The following ARHGEF12 variants were observed in gnomAD, a reference collection of about 807,000 sequenced individuals.
ARHGEF12 encodes the protein KMT2A/ARHGEF12 fusion protein.
ARHGEF12 carries 66 observed loss-of-function variants against 211.2 expected under a neutral mutation model. The observed-to-expected ratio is 0.31, with a 90% CI of 0.26 to 0.38. The LOEUF is 0.38. ARHGEF12 is among the 10% of genes least tolerant of loss of function. The pLI is 1.00. For missense variants in ARHGEF12, 1,429 were observed against 1,869.5 expected, an observed-to-expected ratio of 0.76 and a Z score of 4.34; for synonymous variants, 592 against 638.4, an observed-to-expected ratio of 0.93 and a Z score of 1.09.
intron 27 of ARHGEF12, chr11:120,463,584 G>C (rs1328385084): frequency 6.6e-6 from 1 of 151,570 alleles, no homozygotes; most frequent in African/African-American, 2.4e-5. Flanking sequence ...GAGTTTGGGG[G>C]CATTATTTTC....
At chr11:120,441,911 C>CGA (rs2135785565) in intron 14 of ARHGEF12, 94 bp downstream of exon 14, 2 of 1,150,792 alleles carry the variant, frequency 1.7e-6, no homozygotes, top group South Asian at 2.7e-5. Flanking sequence ...GGGCAGACTT[C>CGA]TTTCAGTTTT....
chr11:120,484,374 G>T, intron 39 of ARHGEF12, 64 bp from the exon 40 acceptor site: 2 of 1,463,332 alleles, frequency 1.4e-6, no homozygotes, highest in Non-Finnish European at 1.9e-6. Flanking sequence ...TCTGTTTTCT[G>T]AAGTTTTTGT....
intron 13 of ARHGEF12, among the ~76,000 whole-genome samples, chr11:120,441,381 A>G (rs1243223833): frequency 6.6e-6 from 1 of 152,294 alleles, no homozygotes; most frequent in Non-Finnish European, 1.5e-5. Context: ...ATGATTGGGC[A>G]AAAAGCCTTC....
chr11:120,378,772 A>T (rs946711135), intron 1 of ARHGEF12, among the ~76,000 whole-genome samples: 1 of 151,820 alleles, frequency 6.6e-6, no homozygotes, highest in Non-Finnish European at 1.5e-5. Flanking sequence ...TTAAAAACTT[A>T]ATAGACTGTC....
At chr11:120,440,040 A>G in intron 12 of ARHGEF12, 89 bp from the exon 13 acceptor site, 3 of 888,756 alleles carry the variant, frequency 3.4e-6, no homozygotes, top group Non-Finnish European at 5.4e-6. Flanking sequence ...ATTTAAGTGA[A>G]CCATGTCTTT....
chr11:120,453,017 A>C (rs573371543), intron 22 of ARHGEF12, among the ~76,000 whole-genome samples: 3,998 of 141,518 alleles, frequency 0.028, 83 homozygotes, highest in Non-Finnish European at 0.046. Context: ...AAAAACAAAA[A>C]CAAAAAAAAA....
chr11:120,409,501 T>TG, intron 4 of ARHGEF12, 51 bp downstream of exon 4: 1 of 1,565,682 alleles, frequency 6.4e-7, no homozygotes, highest in Non-Finnish European at 8.8e-7. Flanking sequence ...TGCTTCATGG[T>TG]GTTCCTTTTC....
intron 22 of ARHGEF12, among the ~76,000 whole-genome samples, chr11:120,453,391 A>T (rs1946269218): frequency 6.6e-6 from 1 of 152,124 alleles, no homozygotes; most frequent in Non-Finnish European, 1.5e-5. Context: ...GAAATAAGAG[A>T]TTTTAACAAA....
Position 120,447,001 on chromosome 11 carries a change from A to G in ARHGEF12, c.1505A>G (p.Asp502Gly). The G allele has an allele frequency of 6.2e-7, 1 of 1,614,228 alleles. No homozygotes were observed. Among genetic ancestry groups the G allele is most frequent in the Non-Finnish European group, 8.5e-7 (1 of 1,180,040 alleles). ...TLAESELTKL[D>G]AERDKDRLTL... ...GCTGAAAGCGAGCTGACTAAACTTG[A>G]TGCAGAGCGAGACAAGGACCGATTG... The change falls in exon 18 of 41, where the codon GAT becomes GGT. Residue 502 changes from aspartate to glycine, a missense_variant. Asp to Gly is a moderately conservative substitution (Grantham distance 94). Transcript: ENST00000397843.
At position 120,488,421 on chromosome 11, in the gene ARHGEF12, C is replaced by A. The variant is rs2136046419; in HGVS notation, c.*3344C>A. On this transcript the variant is annotated 3_prime_UTR_variant, in exon 41 of 41. Coordinates refer to ENST00000397843, the MANE Select transcript of ARHGEF12 (RefSeq NM_015313.3). ...AGCTTCCTCATGGCTAGTTTTTCCC[C>A]CTTATATTACAATTTTTGTTTTATA... 1 of 215,796 alleles carries A rather than the reference C, an allele frequency of 4.6e-6. No individual in the cohort carries two copies. Among genetic ancestry groups the A allele is most frequent in the South Asian group, 1.9e-4 (1 of 5,338 alleles). 13.4% of individuals were successfully genotyped at this position (215,796 alleles called of 1,614,324 possible).
chr11:120,374,346 T>C (rs886343547), intron 1 of ARHGEF12, among the ~76,000 whole-genome samples: 2 of 152,238 alleles, frequency 1.3e-5, no homozygotes, highest in African/African-American at 4.8e-5. Flanking sequence ...GGGGAAATTT[T>C]ATCCAGGGAT....
chr11:120,459,421 AT>A, intron 26 of ARHGEF12, 101 bp downstream of exon 26: 2 of 1,236,716 alleles, frequency 1.6e-6, no homozygotes, highest in South Asian at 3.0e-5. Flanking sequence ...TATTCCTGAG[AT>A]TATGTGTGAG....
intron 1 of ARHGEF12, among the ~76,000 whole-genome samples, chr11:120,360,841 G>A (rs1467127208): frequency 6.6e-6 from 1 of 152,192 alleles, no homozygotes; most frequent in Non-Finnish European, 1.5e-5. Flanking sequence ...AAAGTGGAAT[G>A]TAGCAATGCA....
At chr11:120,447,745 G>A in intron 18 of ARHGEF12, 129 bp from the exon 19 acceptor site, 1 of 593,558 alleles carries the variant, frequency 1.7e-6, no homozygotes, top group Non-Finnish European at 2.9e-6. Context: ...GCGCCCAGGA[G>A]GCGGAGGTTG....
chr11:120,468,071 A>G (rs771722166), intron 29 of ARHGEF12, among the ~76,000 whole-genome samples: 1 of 152,224 alleles, frequency 6.6e-6, no homozygotes. Flanking sequence ...GAGATGTTTC[A>G]TGGATATCTA....
At chr11:120,474,527 A>G (rs995855972) in intron 31 of ARHGEF12, 33 bp from the exon 32 acceptor site, 1 of 1,523,838 alleles carries the variant, frequency 6.6e-7, no homozygotes. Flanking sequence ...GTGCTTGGAA[A>G]TTATTTGTGC....
intron 1 of ARHGEF12, among the ~76,000 whole-genome samples, chr11:120,387,867 A>G (rs1162571845): frequency 6.6e-6 from 1 of 152,186 alleles, no homozygotes; most frequent in Non-Finnish European, 1.5e-5. Context: ...AAGGTATAAC[A>G]TAACGTTTAC....
chr11:120,406,791 C>A (rs2135574169), intron 2 of ARHGEF12, among the ~76,000 whole-genome samples: 1 of 152,234 alleles, frequency 6.6e-6, no homozygotes, highest in African/African-American at 2.4e-5. Context: ...ATCTCCTGAC[C>A]TCGTGATTCG....
intron 22 of ARHGEF12, among the ~76,000 whole-genome samples, chr11:120,455,512 A>T (rs887567034): frequency 6.6e-6 from 1 of 152,238 alleles, no homozygotes; most frequent in African/African-American, 2.4e-5. Context: ...AGAATGAATA[A>T]AGACATTTTC....
Sources: allele counts gnomAD v4.1 joint callset (sites outside exome capture counted in the v4.1 genomes callset), GRCh38; gene constraint gnomAD v4.1.1; transcripts MANE v1.5; gene names NCBI Gene and HGNC (gene_info 2026-07-23, HGNC 2026-07-21).